SPATA31H1: variants seen among roughly 807,000 people sequenced by gnomAD.
SPATA31H1 encodes SPATA31 subfamily H member 1.
At chr2:27,540,019 A>ACC in the SPATA31H1 span, among the ~76,000 whole-genome samples, 1 of 84,014 alleles carries the variant, frequency 1.2e-5, no homozygotes, top group South Asian at 4.7e-4. Context: ...CGGGGGGCTG[A>ACC]CCCCCCCACC....
the SPATA31H1 span, chr2:27,567,928 C>G: frequency 2.5e-6 from 1 of 398,850 alleles, no homozygotes; most frequent in Non-Finnish European, 4.4e-6. Flanking sequence ...TCACAGCTGC[C>G]AAGTCAAGTT....
chr2:27,566,927 T>C, the SPATA31H1 span: 1 of 717,558 alleles, frequency 1.4e-6, no homozygotes, highest in Non-Finnish European at 2.6e-6. Flanking sequence ...CTGTCTTTTC[T>C]GAAGGAACAA....
chr2:27,568,555 G>A, the SPATA31H1 span: 2 of 399,018 alleles, frequency 5.0e-6, no homozygotes, highest in Admixed American at 4.4e-5. Flanking sequence ...GAATCTGGGG[G>A]CTTGACCCCA....
chr2:27,570,865 A>T, the SPATA31H1 span: 1 of 398,950 alleles, frequency 2.5e-6, no homozygotes, highest in Non-Finnish European at 4.4e-6. Context: ...TTAGTCTCAG[A>T]GCCACAAATG....
At chr2:27,548,713 G>C in the SPATA31H1 span, among the ~76,000 whole-genome samples, 6 of 151,458 alleles carry the variant, frequency 4.0e-5, no homozygotes, top group South Asian at 1.0e-3. Flanking sequence ...AGTCTCTTAA[G>C]TGTCTTCTAA....
At chr2:27,580,056 G>C in the SPATA31H1 span, 1 of 1,614,150 alleles carries the variant, frequency 6.2e-7, no homozygotes, top group Admixed American at 1.7e-5. Context: ...CCATGGTGAG[G>C]TTCGGTTGCA....
chr2:27,577,989 G>T, the SPATA31H1 span: 1 of 1,613,982 alleles, frequency 6.2e-7, no homozygotes, highest in East Asian at 2.2e-5. The surrounding 1 kb of genome is among the most constrained non-coding windows in gnomAD (Gnocchi z 4.5). Context: ...TCGAATTGTA[G>T]AATTTATGAG....
chr2:27,558,941 G>A, the SPATA31H1 span, among the ~76,000 whole-genome samples: 4,326 of 145,132 alleles, frequency 0.03, 135 homozygotes, highest in Non-Finnish European at 0.05. Context: ...GAGGGAGAGG[G>A]AGAGGGAGAG....
At chr2:27,576,659 G>T in the SPATA31H1 span, 1 of 1,613,712 alleles carries the variant, frequency 6.2e-7, no homozygotes, top group Non-Finnish European at 8.5e-7. Flanking sequence ...CAATGATGTT[G>T]GTACCAGAGC....
the SPATA31H1 span, among the ~76,000 whole-genome samples, chr2:27,565,882 A>T: frequency 6.7e-6 from 1 of 149,482 alleles, no homozygotes; most frequent in Non-Finnish European, 1.5e-5. Context: ...CTTTTTGAAA[A>T]ATCTTGAGAT....
At chr2:27,572,336 T>C in the SPATA31H1 span, 1 of 398,350 alleles carries the variant, frequency 2.5e-6, no homozygotes, top group African/African-American at 2.1e-5. Context: ...GAATGAAATC[T>C]GTTCAGTGGA....
At chr2:27,578,543 G>A in the SPATA31H1 span, 1 of 1,613,998 alleles carries the variant, frequency 6.2e-7, no homozygotes, top group East Asian at 2.2e-5. Flanking sequence ...GTACTCAAGT[G>A]AAGTCTGCAG....
the SPATA31H1 span, chr2:27,582,387 G>A: frequency 1.2e-6 from 2 of 1,614,110 alleles, no homozygotes; most frequent in Non-Finnish European, 8.5e-7. Context: ...TCCCCTTAAG[G>A]AGGGACTCAA....
At chr2:27,577,944 A>G in the SPATA31H1 span, 1 of 1,614,160 alleles carries the variant, frequency 6.2e-7, no homozygotes, top group Non-Finnish European at 8.5e-7. This position sits in a 1 kb window ranked among gnomAD's most constrained non-coding sequence, Gnocchi z 4.5. Context: ...GAATCAAAGT[A>G]TGAAATCTCC....
the SPATA31H1 span, among the ~76,000 whole-genome samples, chr2:27,562,675 AG>A: frequency 1.3e-5 from 2 of 151,522 alleles, no homozygotes; most frequent in Non-Finnish European, 2.9e-5. Context: ...TCACGAGGTC[AG>A]GAGTTTGAGT....
At chr2:27,577,158 C>G in the SPATA31H1 span, 1 of 1,613,988 alleles carries the variant, frequency 6.2e-7, no homozygotes, top group Non-Finnish European at 8.5e-7. This position sits in a 1 kb window ranked among gnomAD's most constrained non-coding sequence, Gnocchi z 4.5. Context: ...CTTAGGGATG[C>G]TGCTGCAGCC....
At chr2:27,567,030 C>A in the SPATA31H1 span, 1 of 717,502 alleles carries the variant, frequency 1.4e-6, no homozygotes. Flanking sequence ...TCTTTTTCAG[C>A]TCTCAGAGCC....
the SPATA31H1 span, chr2:27,578,045 A>G: frequency 1.9e-6 from 3 of 1,614,170 alleles, no homozygotes; most frequent in East Asian, 6.7e-5. Flanking sequence ...CTGCAAGGAC[A>G]CAGCTTCAAG....
At chr2:27,565,241 T>C in the SPATA31H1 span, 1 of 670,380 alleles carries the variant, frequency 1.5e-6, no homozygotes, top group South Asian at 1.7e-5. Flanking sequence ...ATGAGATGTA[T>C]CAATATCTGA....
Sources: allele counts gnomAD v4.1 joint callset (sites outside exome capture counted in the v4.1 genomes callset), GRCh38; gene constraint gnomAD v4.1.1; non-coding constraint Gnocchi (gnomAD v3.1); transcripts MANE v1.5; gene names NCBI Gene and HGNC (gene_info 2026-07-23, HGNC 2026-07-21).